The following TENT2 variants were observed in gnomAD, a reference collection of about 807,000 sequenced individuals.
TENT2 encodes the protein terminal nucleotidyltransferase 2, also known as poly(A) RNA polymerase GLD2.
A neutral mutation model predicts 72.2 loss-of-function variants in TENT2; 44 were observed. That is an observed-to-expected ratio of 0.61 (90% confidence interval 0.48 to 0.78). TENT2 has a LOEUF of 0.78. Ranked by LOEUF, TENT2 falls within the 30% of genes least tolerant of loss-of-function variation. TENT2 has a pLI of 0.00. For synonymous variants in TENT2, 212 were observed against 192.5 expected, an observed-to-expected ratio of 1.10 and a Z score of -0.84; for missense variants, 541 against 569.6, an observed-to-expected ratio of 0.95 and a Z score of 0.51.
At chr5:79,624,467 G>A (rs748743216) in intron 4 of TENT2, among the ~76,000 whole-genome samples, 5 of 152,140 alleles carry the variant, frequency 3.3e-5, no homozygotes, top group African/African-American at 9.7e-5. Flanking sequence ...CTTTTAAAGT[G>A]TAGAGTTCAG....
At chr5:79,648,412 C>G (rs1790903453) in intron 8 of TENT2, among the ~76,000 whole-genome samples, 3 of 152,100 alleles carry the variant, frequency 2.0e-5, no homozygotes, top group Non-Finnish European at 4.4e-5. Context: ...ATTTTCAGTA[C>G]TCATCAGATC....
At chr5:79,668,814 C>A in intron 11 of TENT2, 78 bp from the exon 12 acceptor site, 1 of 1,439,254 alleles carries the variant, frequency 6.9e-7, no homozygotes. Context: ...CAAAGAGGAG[C>A]CTAGTTCAGG....
intron 8 of TENT2, among the ~76,000 whole-genome samples, chr5:79,646,905 A>G (rs1312916156): frequency 2.0e-5 from 3 of 151,984 alleles, no homozygotes; most frequent in Non-Finnish European, 4.4e-5. Flanking sequence ...AGTAGGTAGG[A>G]CAACAGGCAC....
intron 14 of TENT2, 52 bp from the exon 15 acceptor site, chr5:79,685,139 CTCAGTCTT>C: frequency 8.4e-7 from 1 of 1,193,000 alleles, no homozygotes; most frequent in Non-Finnish European, 1.2e-6. Context: ...CTTTTAAACT[CTCAGTCTT>C]TTGTTCTGCA....
chr5:79,653,979 A>G (rs1796056417), intron 10 of TENT2, among the ~76,000 whole-genome samples: 1 of 152,344 alleles, frequency 6.6e-6, no homozygotes, highest in East Asian at 1.9e-4. Context: ...ATAAGCAGAG[A>G]AAGGAAATAG....
In TENT2 at chr5:79,648,611, A is replaced by T. The variant is rs190798798; in HGVS notation, c.822-6A>T. On this transcript the variant is annotated splice_region_variant and splice_polypyrimidine_tract_variant and intron_variant, in intron 8 of 14. Transcript: ENST00000453514. ...TTTATTTATTTATTTATTTTTTCTTAAATAGTTGTGTGGAGTTTGACTTGA... is the reference window on the plus strand; with the variant it reads ...TTTATTTATTTATTTATTTTTTCTTTAATAGTTGTGTGGAGTTTGACTTGA... 791 of 1,538,140 alleles carry T rather than the reference A, an allele frequency of 5.1e-4. 5 individuals carry two copies. In the African/African-American group the frequency reaches 9.8e-3, roughly 19 times the overall value.
At chr5:79,654,249 T>C (rs1580470710) in intron 10 of TENT2, among the ~76,000 whole-genome samples, 1 of 152,194 alleles carries the variant, frequency 6.6e-6, no homozygotes, top group African/African-American at 2.4e-5. Context: ...CTGACCAACA[T>C]GGTGAAACCC....
intron 4 of TENT2, among the ~76,000 whole-genome samples, chr5:79,628,531 G>A (rs569643005): frequency 6.6e-6 from 1 of 152,138 alleles, no homozygotes; most frequent in Non-Finnish European, 1.5e-5. Context: ...TGAAAAAGAT[G>A]TGGGAGATAA....
In TENT2 at chr5:79,648,693, C is replaced by T. The variant is rs267600707; in HGVS notation, c.898C>T (p.Leu300Phe). 5 of 1,574,526 alleles carry T rather than the reference C, an allele frequency of 3.2e-6. No individual in the cohort carries two copies. Among genetic ancestry groups the T allele is most frequent in the South Asian group, 1.2e-5 (1 of 83,628 alleles). ...NTFLLRTYAYLENRVRPLVLV... is the reference protein window; with the variant it reads ...NTFLLRTYAYFENRVRPLVLV... Reference sequence around the variant, plus strand: ...ATTCCTTCTCAGAACTTATGCATACCGTAAGTTTGTTGTTTGTTTATTAAA... The same window carrying T: ...ATTCCTTCTCAGAACTTATGCATACTGTAAGTTTGTTGTTTGTTTATTAAA... The change falls in exon 9 of 15, where the codon CTT (leucine) becomes TTT (phenylalanine). Residue 300 changes from leucine to phenylalanine, a missense_variant and splice_region_variant. Physicochemically the swap from Leu to Phe is conservative, Grantham distance 22. Transcript: ENST00000453514.
At chr5:79,682,473 CAG>C (rs953881954) in intron 14 of TENT2, among the ~76,000 whole-genome samples, 2 of 138,806 alleles carry the variant, frequency 1.4e-5, no homozygotes, top group African/African-American at 5.4e-5. Context: ...TTTGTAGAGA[CAG>C]GGTTTCACCA....
In TENT2 at chr5:79,669,027, G is replaced by T; in HGVS notation, c.1207G>T (p.Asp403Tyr). The T allele has an allele frequency of 6.2e-7, 1 of 1,613,350 alleles. No individual in the cohort carries two copies. The highest frequency in any genetic ancestry group is 1.1e-5 in the South Asian group (1 of 91,048). ...TCTTAAATATTATGCTACAGAATTT[G>T]AGTAAGTAAAACTTTAAATTGTGTT... ...GFLKYYATEF[D>Y]WNSQMISVRE... Residue 403 changes from aspartate to tyrosine, a missense_variant and splice_region_variant, in exon 12 of 15, where the codon GAC (aspartate) becomes TAC (tyrosine). Asp to Tyr is a radical substitution (Grantham distance 160, BLOSUM62 -3). Coordinates refer to ENST00000453514, the MANE Select transcript of TENT2 (RefSeq NM_001114394.3).
intron 10 of TENT2, among the ~76,000 whole-genome samples, chr5:79,652,578 A>G (rs1037694403): frequency 6.6e-6 from 1 of 152,198 alleles, no homozygotes; most frequent in South Asian, 2.1e-4. Context: ...GAGACAAAAT[A>G]GTTTAAATGG....
intron 12 of TENT2, 23 bp from the exon 13 acceptor site, chr5:79,679,556 G>T: frequency 1.3e-6 from 2 of 1,507,054 alleles, no homozygotes; most frequent in South Asian, 2.5e-5. Context: ...TAGTTAACAT[G>T]GTTACTGTTT....
intron 10 of TENT2, among the ~76,000 whole-genome samples, chr5:79,652,864 T>C (rs1795214666): frequency 2.0e-5 from 3 of 152,042 alleles, no homozygotes; most frequent in Non-Finnish European, 4.4e-5. Flanking sequence ...CTTTATAATA[T>C]ATGTTCAGGT....
rs972128402 is a variant in TENT2, at chr5:79,687,411, G to A, written c.*2138G>A. 9.2e-5 allele frequency among the ~76,000 whole-genome samples: 14 copies of A among 151,942 alleles called. No homozygotes were observed. Among genetic ancestry groups the A allele is most frequent in the East Asian group, 1.9e-4 (1 of 5,180 alleles). The stretch of plus-strand genomic sequence containing the variant: ...GAGGGATTGATTCCAGGTCAACCCC[G>A]TCCTCTTCAGATACCAAAATCCACA... On this transcript the variant is annotated 3_prime_UTR_variant, in exon 15 of 15. Transcript: ENST00000453514.
At chr5:79,623,645 C>A in intron 4 of TENT2, 156 bp downstream of exon 4, 1 of 450,374 alleles carries the variant, frequency 2.2e-6, no homozygotes, top group Non-Finnish European at 3.8e-6. Flanking sequence ...CCAAACATTA[C>A]TTTGATTTTT....
chr5:79,659,703 C>T (rs1801234619), intron 11 of TENT2, among the ~76,000 whole-genome samples: 1 of 150,360 alleles, frequency 6.7e-6, no homozygotes, highest in Admixed American at 6.7e-5. Flanking sequence ...ATTCCTCTTT[C>T]ACTAATGAAG....
chr5:79,641,211 A>AT lies in TENT2; in HGVS notation c.672+18dup. 1 of 1,525,498 alleles carries AT rather than the reference A, an allele frequency of 6.6e-7. No homozygotes were observed. The highest frequency in any genetic ancestry group is 8.8e-7 in the Non-Finnish European group (1 of 1,142,254). 94.5% of individuals were successfully genotyped at this position (1,525,498 alleles called of 1,614,324 possible). ...AGGAAGAACCAGTAAGTAAGGAAACATTTATTCCAAGTGTGTTTCTCATGT... is the reference window on the plus strand; with the variant it reads ...AGGAAGAACCAGTAAGTAAGGAAACATTTTATTCCAAGTGTGTTTCTCATGT... On this transcript the variant is annotated intron_variant, in intron 6 of 14. Transcript: ENST00000453514.
At chr5:79,629,999 G>C (rs1773928744) in intron 4 of TENT2, among the ~76,000 whole-genome samples, 2 of 152,060 alleles carry the variant, frequency 1.3e-5, no homozygotes, top group African/African-American at 2.4e-5. Context: ...AGCTGGGCGT[G>C]GTGGCGTGTG....
Sources: allele counts gnomAD v4.1 joint callset (sites outside exome capture counted in the v4.1 genomes callset), GRCh38; gene constraint gnomAD v4.1.1; transcripts MANE v1.5; gene names NCBI Gene and HGNC (gene_info 2026-07-23, HGNC 2026-07-21).